Variants in PLXNA2 observed in about 807,000 individuals in gnomAD.
The protein encoded by PLXNA2 is plexin A2.
A neutral mutation model predicts 193.5 loss-of-function variants in PLXNA2; 91 were observed. The observed-to-expected ratio is 0.47, with a 90% CI of 0.40 to 0.56. The LOEUF is 0.56. PLXNA2 is among the 20% of genes least tolerant of loss of function. The pLI is 0.00. For missense variants in PLXNA2, 1,995 were observed against 2,503.2 expected (o/e 0.80, Z 4.33); for synonymous variants, 997 against 1,027.3 (o/e 0.97, Z 0.56).
chr1:208,133,008 C>T (rs1668204062), intron 4 of PLXNA2, among the ~76,000 whole-genome samples: 1 of 152,202 alleles, frequency 6.6e-6, no homozygotes, highest in Non-Finnish European at 1.5e-5. Flanking sequence ...TTGTCTGCTT[C>T]TCCACATTCG....
In PLXNA2 at chr1:208,091,899, T is replaced by C. The variant is rs1012449366; in HGVS notation, c.2097+887A>G. 2.6e-5 allele frequency among the ~76,000 whole-genome samples: 4 copies of C among 151,564 alleles called. No homozygotes were observed. The South Asian group carries it at 8.3e-4, about 31-fold the overall frequency. On this transcript the variant is annotated intron_variant, in intron 9 of 31. Transcript: ENST00000367033. The stretch of plus-strand genomic sequence containing the variant: ...AAAAAAAAAAGACTGTAGTTGTATA[T>C]AAAAATGCTACATTGTCACTTATTA...
rs1664335928 is a variant in PLXNA2 at position 208,026,115 on chromosome 1, A to T, written c.*1128T>A. 1 of 152,630 alleles carries T rather than the reference A, an allele frequency of 6.6e-6. No homozygotes were observed. Among genetic ancestry groups the T allele is most frequent in the Non-Finnish European group, 1.5e-5 (1 of 68,046 alleles). The allele number at this position is 152,630 out of a possible 1,614,324, so 9.5% of individuals were successfully genotyped here. On this transcript the variant is annotated 3_prime_UTR_variant, in exon 32 of 32. Coordinates refer to ENST00000367033, the MANE Select transcript of PLXNA2 (RefSeq NM_025179.4). ...TTTGTTTTCTTTTTAATTGCCAGGGACCACTGGATGATTGGAGTGAACTCC... is the reference window on the plus strand; with the variant it reads ...TTTGTTTTCTTTTTAATTGCCAGGGTCCACTGGATGATTGGAGTGAACTCC...
At chr1:208,184,782 A>G (rs1669947196) in intron 3 of PLXNA2, among the ~76,000 whole-genome samples, 2 of 152,132 alleles carry the variant, frequency 1.3e-5, no homozygotes, top group East Asian at 1.9e-4. Context: ...ATGCAGTTCC[A>G]GGGAGATTTC....
chr1:208,131,668 T>C (rs1352948788), intron 4 of PLXNA2, among the ~76,000 whole-genome samples: 2 of 152,196 alleles, frequency 1.3e-5, no homozygotes, highest in African/African-American at 4.8e-5. Context: ...TGGTTCACAC[T>C]TGAAACAGCA....
intron 1 of PLXNA2, among the ~76,000 whole-genome samples, 189 bp downstream of exon 1, chr1:208,243,454 A>T (rs1011166017): frequency 6.6e-6 from 1 of 151,850 alleles, no homozygotes; most frequent in Non-Finnish European, 1.5e-5. Context: ...GATCGCGCGC[A>T]CGCCGCGCTC....
intron 2 of PLXNA2, among the ~76,000 whole-genome samples, chr1:208,214,127 A>T (rs910656830): frequency 1.8e-5 from 2 of 114,010 alleles, no homozygotes; most frequent in East Asian, 3.0e-4. Context: ...TTTTGGCGTT[A>T]AAAAAAAAAA....
At chr1:208,048,682 G>C (rs1388894464) in intron 17 of PLXNA2, among the ~76,000 whole-genome samples, 3 of 152,214 alleles carry the variant, frequency 2.0e-5, no homozygotes. Context: ...GTGTGGGGAA[G>C]GGGAGGGGCT....
At chr1:208,039,515 C>T in intron 24 of PLXNA2, 106 bp downstream of exon 24, 1 of 1,486,814 alleles carries the variant, frequency 6.7e-7, no homozygotes, top group Non-Finnish European at 9.2e-7. Context: ...AGACCAGCCT[C>T]CCATCCTCTT....
At chr1:208,117,996 T>A (rs138136397) in intron 4 of PLXNA2, among the ~76,000 whole-genome samples, 2 of 152,208 alleles carry the variant, frequency 1.3e-5, no homozygotes, top group East Asian at 3.9e-4. Flanking sequence ...CTGCCTGAGA[T>A]CCAGGCAAAA....
At position 208,060,855 on chromosome 1, in the gene PLXNA2, G is replaced by T; in HGVS notation, c.2587-18C>A. On this transcript the variant is annotated intron_variant, in intron 12 of 31. Coordinates refer to ENST00000367033, the MANE Select transcript of PLXNA2 (RefSeq NM_025179.4). Reference sequence around the variant, plus strand: ...GTCAAAATCTGCAGGAGGGAAATGGGATTAGCAATTTGGTTTGGTCACAGG... The same window carrying T: ...GTCAAAATCTGCAGGAGGGAAATGGTATTAGCAATTTGGTTTGGTCACAGG... The T allele has an allele frequency of 6.2e-7, 1 of 1,612,738 alleles. No individual in the cohort carries two copies. The highest frequency in any genetic ancestry group is 8.5e-7 in the Non-Finnish European group (1 of 1,179,312).
intron 13 of PLXNA2, among the ~76,000 whole-genome samples, chr1:208,057,088 G>C (rs533644032): frequency 3.6e-4 from 55 of 152,194 alleles, no homozygotes; most frequent in Admixed American, 8.5e-4. Flanking sequence ...GGGTTATATT[G>C]AGGAAGGAGT....
chr1:208,242,770 G>A (rs932527458), intron 1 of PLXNA2, among the ~76,000 whole-genome samples: 1 of 152,134 alleles, frequency 6.6e-6, no homozygotes, highest in Admixed American at 6.5e-5. Context: ...GATCTAAAAT[G>A]GTAGTTTCTG....
chr1:208,207,567 C>T (rs1314275542), intron 3 of PLXNA2, among the ~76,000 whole-genome samples: 4 of 152,330 alleles, frequency 2.6e-5, no homozygotes, highest in Admixed American at 6.5e-5. Flanking sequence ...GCCTGACAGA[C>T]GCCGGGAGAA....
chr1:208,210,006 C>CTTTTTTTTTTTTTTTTTTTTTTTTTTTT (rs1572035189), intron 3 of PLXNA2: 1 of 32,282 alleles, frequency 3.1e-5, no homozygotes, highest in East Asian at 1.1e-3. Context: ...TTTTTTTTTG[C>CTTTTTTTTTTTTTTTTTTTTTTTTTTTT]TTTTGCAGAT....
At chr1:208,134,773 T>A (rs551314293) in intron 4 of PLXNA2, among the ~76,000 whole-genome samples, 4 of 152,172 alleles carry the variant, frequency 2.6e-5, no homozygotes, top group Non-Finnish European at 4.4e-5. Flanking sequence ...TCGCCTGGAC[T>A]AAACAAATGT....
chr1:208,027,560 A>T (rs1168344186), intron 31 of PLXNA2, among the ~76,000 whole-genome samples: 1 of 152,224 alleles, frequency 6.6e-6, no homozygotes, highest in African/African-American at 2.4e-5. Context: ...AGGAAGTGCT[A>T]TGCAAGTGTT....
At chr1:208,093,753 C>G (rs12075355) in intron 8 of PLXNA2, among the ~76,000 whole-genome samples, 27,432 of 152,118 alleles carry the variant, frequency 0.18, 2,933 homozygotes, top group Admixed American at 0.26. Flanking sequence ...AGGGTGAGCA[C>G]TTCTTTCCTT....
chr1:208,239,552 G>T (rs1451700704), intron 1 of PLXNA2, among the ~76,000 whole-genome samples: 1 of 152,152 alleles, frequency 6.6e-6, no homozygotes, highest in African/African-American at 2.4e-5. Context: ...GACTTGTTAG[G>T]AATGCCTTGG....
At chr1:208,048,327 C>A (rs1243598094) in intron 17 of PLXNA2, among the ~76,000 whole-genome samples, 1 of 152,232 alleles carries the variant, frequency 6.6e-6, no homozygotes, top group African/African-American at 2.4e-5. Flanking sequence ...GGGGCCCAAC[C>A]AGGCAGGGCT....
Sources: allele counts gnomAD v4.1 joint callset (sites outside exome capture counted in the v4.1 genomes callset), GRCh38; gene constraint gnomAD v4.1.1; transcripts MANE v1.5; gene names NCBI Gene and HGNC (gene_info 2026-07-23, HGNC 2026-07-21).